The following USP30 variants were observed in gnomAD, a reference collection of about 807,000 sequenced individuals.
The protein encoded by USP30 is ubiquitin specific peptidase 30.
Under a neutral mutation model 68.2 loss-of-function variants are expected in USP30, and 41 were observed. The ratio of observed to expected loss-of-function variants is 0.60; its 90% confidence interval spans 0.47 to 0.78. USP30 has a LOEUF of 0.78. Among genes scored for constraint, USP30 ranks in the 30% least tolerant of loss-of-function variants. The pLI is 0.00. For synonymous variants in USP30, 229 were observed against 253.7 expected (o/e 0.90, Z 0.93); for missense variants, 522 against 649.4 (o/e 0.80, Z 2.13).
intron 3 of USP30, among the ~76,000 whole-genome samples, chr12:109,060,461 G>C (rs771458699): frequency 3.3e-5 from 5 of 152,224 alleles, no homozygotes; most frequent in Admixed American, 2.0e-4. Context: ...TATGAAGCAA[G>C]TGTACTTTTC....
chr12:109,042,760 G>A (rs1009418496), intron 3 of USP30, among the ~76,000 whole-genome samples: 2 of 152,008 alleles, frequency 1.3e-5, no homozygotes, highest in Non-Finnish European at 2.9e-5. Context: ...CAGCAATTAG[G>A]CAAGAAAAAG....
intron 3 of USP30, among the ~76,000 whole-genome samples, chr12:109,059,064 C>CT (rs542159521): frequency 6.6e-5 from 10 of 152,182 alleles, no homozygotes; most frequent in Admixed American, 6.5e-5. Flanking sequence ...TAGATTGTGA[C>CT]TTAACTAGCC....
rs957645496 is a variant in USP30 at position 109,024,105 on chromosome 12, C to T, written c.-497-698C>T. Among the ~76,000 whole-genome samples, 12 of 152,196 alleles carry T rather than the reference C, an allele frequency of 7.9e-5. No individual in the cohort carries two copies. The East Asian group carries it at 9.7e-4, about 12-fold the overall frequency. ...ACCTCGAGCAGGTTGTCTAACTTTC[C>T]GTGCTTGCATTTCCTCATCAGAAAT... On this transcript the variant is annotated intron_variant, in intron 1 of 15. Transcript: ENST00000392784.
At chr12:109,076,888 C>T (rs1487748688) in intron 7 of USP30, among the ~76,000 whole-genome samples, 3 of 151,922 alleles carry the variant, frequency 2.0e-5, no homozygotes, top group South Asian at 2.1e-4. Context: ...CCCGCCACCA[C>T]GCCCGGCTAA....
chr12:109,053,122 C>A (rs751819380), intron 1 of USP30: 1 of 195,084 alleles, frequency 5.1e-6, no homozygotes, highest in Non-Finnish European at 1.0e-5. Context: ...TTCTAGTATA[C>A]CCCCAGTCCT....
intron 3 of USP30, among the ~76,000 whole-genome samples, chr12:109,037,417 C>T (rs975023849): frequency 5.3e-5 from 8 of 152,090 alleles, no homozygotes; most frequent in African/African-American, 1.9e-4. Flanking sequence ...TCTGGACTTC[C>T]TCAAACACAA....
At chr12:109,051,034 G>A (rs976473544), upstream of USP30, among the ~76,000 whole-genome samples, 17 of 152,010 alleles carry the variant, frequency 1.1e-4, no homozygotes, top group African/African-American at 4.1e-4. Flanking sequence ...TTTTCACATA[G>A]AAATGACATA....
At position 109,070,826 on chromosome 12, in the gene USP30, A is replaced by G. The variant is rs1478168853; in HGVS notation, c.481-786A>G. Among the ~76,000 whole-genome samples the G allele has an allele frequency of 6.6e-6, 1 of 152,202 alleles. No homozygotes were observed. The highest frequency in any genetic ancestry group is 2.4e-5 in the African/African-American group (1 of 41,450). Reference sequence around the variant, plus strand: ...ATTCAAAGCAGGGACTCAGTAGGGTATTTGTATACTCAGGTTAATAGCAGC... The same window carrying G: ...ATTCAAAGCAGGGACTCAGTAGGGTGTTTGTATACTCAGGTTAATAGCAGC... On this transcript the variant is annotated intron_variant, in intron 4 of 12. Transcript: ENST00000257548. This position sits in a 1 kb window ranked among gnomAD's most constrained non-coding sequence, Gnocchi z 4.0.
chr12:109,040,411 C>T lies in USP30; in HGVS notation c.-135-7179C>T, dbSNP rs377428084. 1.3e-4 allele frequency among the ~76,000 whole-genome samples: 20 copies of T among 152,312 alleles called. 1 individual carries two copies. Among genetic ancestry groups the T allele is most frequent in the African/African-American group, 4.3e-4 (18 of 41,564 alleles). ...GGTATAAAGTCCACATTTTGAGGAA[C>T]ATTGCTCCTGCTATAGTAGTTCTCT... On this transcript the variant is annotated intron_variant, in intron 3 of 15. Transcript: ENST00000392784.
rs746591157 is a variant in USP30, at chr12:109,085,000, G to A, written c.1216G>A (p.Ala406Thr). Residue 406 changes from alanine to threonine, a missense_variant, in exon 12 of 13, where the codon GCC becomes ACC. Transcript: ENST00000257548. ...APKTQIFMNG[A>T]CSPSLLPTLS... ...CAAAACACAGATTTTTATGAATGGC[G>A]CCTGCTCCCCATCTTTATTGCCAAC... is the stretch of plus-strand genomic sequence containing the variant. 1.2e-5 allele frequency: 19 copies of A among 1,604,992 alleles called. No homozygotes were observed. The highest frequency in any genetic ancestry group is 8.9e-5 in the South Asian group (8 of 89,644).
intron 3 of USP30, among the ~76,000 whole-genome samples, chr12:109,046,668 C>T (rs2040608140): frequency 6.6e-6 from 1 of 152,118 alleles, no homozygotes; most frequent in Non-Finnish European, 1.5e-5. Context: ...ACATAGCCAG[C>T]CAGCTGGAAG....
At chr12:109,038,006 T>G (rs1004004256) in intron 3 of USP30, among the ~76,000 whole-genome samples, 1 of 152,184 alleles carries the variant, frequency 6.6e-6, no homozygotes, top group African/African-American at 2.4e-5. Flanking sequence ...GATTTTCTTT[T>G]TTTTTCTTCC....
chr12:109,081,632 C>G (rs1376391591), intron 8 of USP30: 1 of 486,534 alleles, frequency 2.1e-6, no homozygotes, highest in South Asian at 2.3e-5. Context: ...CGCACACACA[C>G]ACACACACAC....
intron 3 of USP30, among the ~76,000 whole-genome samples, chr12:109,039,514 G>C (rs1477343339): frequency 6.6e-6 from 1 of 152,148 alleles, no homozygotes; most frequent in Non-Finnish European, 1.5e-5. Context: ...AATGTAGTGA[G>C]AATATAAGGA....
chr12:109,079,802 A>T (rs1222079541), intron 7 of USP30, among the ~76,000 whole-genome samples: 1 of 152,052 alleles, frequency 6.6e-6, no homozygotes, highest in African/African-American at 2.4e-5. Flanking sequence ...CAATTTGTTC[A>T]TTCACTGTCA....
chr12:109,024,772 A>C (rs1441654866), intron 1 of USP30: 1 of 151,632 alleles, frequency 6.6e-6, no homozygotes, highest in Non-Finnish European at 1.5e-5. Flanking sequence ...GGCGCCCACC[A>C]CCACCCTGGG....
At chr12:109,076,474 G>A (rs999834868) in intron 7 of USP30, among the ~76,000 whole-genome samples, 1 of 150,782 alleles carries the variant, frequency 6.6e-6, no homozygotes, top group African/African-American at 2.4e-5. Flanking sequence ...TTAAATAAGA[G>A]TGATGATGGC....
Position 109,058,111 on chromosome 12 carries a change from A to G in USP30, c.376+3A>G, listed in dbSNP as rs1392851873. Reference sequence around the variant, plus strand: ...AACACTCTTGCACCTTCTGAAAGGTATCTAGATGGGAATTTCAAGGGAATT... The same window carrying G: ...AACACTCTTGCACCTTCTGAAAGGTGTCTAGATGGGAATTTCAAGGGAATT... On this transcript the variant is annotated splice_donor_region_variant and intron_variant, in intron 3 of 12. Transcript: ENST00000257548. The G allele has an allele frequency of 6.3e-7, 1 of 1,592,900 alleles. No homozygotes were observed. The highest frequency in any genetic ancestry group is 1.1e-5 in the South Asian group (1 of 87,752).
chr12:109,066,247 C>CAAAA (rs35466141), intron 3 of USP30, among the ~76,000 whole-genome samples: 5 of 95,978 alleles, frequency 5.2e-5, no homozygotes, highest in African/African-American at 1.4e-4. Context: ...GACCCTGTCT[C>CAAAA]AAAAAAAAAA....
Sources: gnomAD v4.1 joint callset for allele counts (sites outside exome capture counted in the v4.1 genomes callset) on GRCh38, gnomAD v4.1.1 for gene constraint, Gnocchi (gnomAD v3.1) non-coding constraint, MANE v1.5 for transcripts, NCBI Gene and HGNC (gene_info 2026-07-23, HGNC 2026-07-21) for gene names.